Variants in COG5 observed in about 807,000 individuals in gnomAD.
COG5 encodes conserved oligomeric Golgi complex subunit 5.
COG5 carries 86 observed loss-of-function variants against 110.4 expected under a neutral mutation model. The ratio of observed to expected loss-of-function variants is 0.78; its 90% CI spans 0.65 to 0.93. COG5 has a LOEUF of 0.93. COG5 is among the 40% of genes least tolerant of loss of function. The pLI is 0.00. For missense variants in COG5, 1,077 were observed against 987.0 expected (o/e 1.09, Z -1.22); for synonymous variants, 360 against 334.6 (o/e 1.08, Z -0.83).
intron 11 of COG5, among the ~76,000 whole-genome samples, chr7:107,309,239 A>C (rs1305350144): frequency 1.3e-5 from 2 of 152,140 alleles, no homozygotes; most frequent in Non-Finnish European, 2.9e-5. Flanking sequence ...TTATTCATTT[A>C]CTTTATCCCA....
At chr7:107,381,411 G>A (rs1361455364) in intron 7 of COG5, among the ~76,000 whole-genome samples, 5 of 152,264 alleles carry the variant, frequency 3.3e-5, no homozygotes, top group Middle Eastern at 6.8e-3. Context: ...GCTAACATAT[G>A]TTCCAAATTG....
chr7:107,225,884 A>G (rs1800297139), intron 19 of COG5, among the ~76,000 whole-genome samples: 1 of 152,170 alleles, frequency 6.6e-6, no homozygotes, highest in Non-Finnish European at 1.5e-5. Context: ...CTCTACTAAA[A>G]ATACAAAAAT....
chr7:107,371,686 G>C (rs1399099913), intron 8 of COG5, among the ~76,000 whole-genome samples: 1 of 152,108 alleles, frequency 6.6e-6, no homozygotes, highest in Non-Finnish European at 1.5e-5. Flanking sequence ...AAGAAATTAA[G>C]ATATATTTAT....
At chr7:107,436,466 A>G (rs1221388072) in intron 6 of COG5, among the ~76,000 whole-genome samples, 1 of 152,178 alleles carries the variant, frequency 6.6e-6, no homozygotes, top group East Asian at 1.9e-4. Flanking sequence ...ATGGGCAGTT[A>G]GTATTTAATG....
intron 6 of COG5, among the ~76,000 whole-genome samples, chr7:107,485,155 G>T (rs1797584010): frequency 6.6e-6 from 1 of 152,176 alleles, no homozygotes. Context: ...ACAAAAACTT[G>T]AATAGCCACC....
chr7:107,405,215 A>G (rs763043146), intron 7 of COG5, among the ~76,000 whole-genome samples: 33 of 152,172 alleles, frequency 2.2e-4, no homozygotes, highest in Non-Finnish European at 4.1e-4. Flanking sequence ...CAGAAAATGG[A>G]TAATTATATC....
chr7:107,452,510 C>A (rs1304607672), intron 6 of COG5, among the ~76,000 whole-genome samples: 1 of 152,078 alleles, frequency 6.6e-6, no homozygotes, highest in Non-Finnish European at 1.5e-5. Context: ...ATGCTGTTCT[C>A]TTGATAGTGA....
Position 107,557,973 on chromosome 7 carries a change from T to C in COG5, c.234+3A>G. ...CCATAGGGACCCAGAAGATCAGAATTACCTGTAAGTGTAGTTCTCTGTCCA... is the reference window on the plus strand; with the variant it reads ...CCATAGGGACCCAGAAGATCAGAATCACCTGTAAGTGTAGTTCTCTGTCCA... On this transcript the variant is annotated splice_donor_region_variant and intron_variant, in intron 2 of 21. Coordinates refer to ENST00000297135, the MANE Select transcript of COG5 (RefSeq NM_006348.5). 6.2e-7 allele frequency: 1 copy of C among 1,614,000 alleles called. No homozygotes were observed. The highest frequency in any genetic ancestry group is 1.1e-5 in the South Asian group (1 of 91,080).
chr7:107,522,117 TCAGGGGG>T (rs533066303), intron 6 of COG5, among the ~76,000 whole-genome samples: 41 of 151,882 alleles, frequency 2.7e-4, no homozygotes, highest in Non-Finnish European at 4.4e-4. Context: ...CCAGGGACTG[TCAGGGGG>T]CAGGGGGCAG....
chr7:107,254,801 T>C (rs1375224354), intron 16 of COG5, among the ~76,000 whole-genome samples: 2 of 152,194 alleles, frequency 1.3e-5, no homozygotes, highest in Non-Finnish European at 2.9e-5. Flanking sequence ...GTGATTTTTA[T>C]CATCAAAGTG....
At position 107,236,746 on chromosome 7, in the gene COG5, T is replaced by C. The variant is rs891873321; in HGVS notation, c.1854-59A>G. The C allele has an allele frequency of 1.2e-5, 13 of 1,082,562 alleles. No individual in the cohort carries two copies. In the African/African-American group the frequency reaches 2.0e-4, roughly 17 times the overall value. 67.1% of individuals were successfully genotyped at this position (1,082,562 alleles called of 1,614,324 possible). A position where few individuals can be genotyped will look rare whatever the true frequency, so the allele number is the denominator to read the frequency against. The stretch of plus-strand genomic sequence containing the variant: ...CTGCACTAAATCACACTCTTTGATT[T>C]TGTACCCCTCTCCCCACCAATGCTG... On this transcript the variant is annotated intron_variant, in intron 17 of 21. Coordinates refer to ENST00000297135, the MANE Select transcript of COG5 (RefSeq NM_006348.5).
intron 2 of COG5, among the ~76,000 whole-genome samples, chr7:107,556,063 A>G (rs1190323416): frequency 6.6e-6 from 1 of 152,028 alleles, no homozygotes; most frequent in East Asian, 1.9e-4. Flanking sequence ...TTCAGCTAGT[A>G]ATAAAGGTCC....
chr7:107,507,245 T>C lies in COG5; in HGVS notation c.538+19992A>G, dbSNP rs111407740. Among the ~76,000 whole-genome samples, 510 of 152,246 alleles carry C rather than the reference T, an allele frequency of 3.3e-3. 4 individuals carry two copies. Among genetic ancestry groups the C allele is most frequent in the African/African-American group, 0.012 (481 of 41,558 alleles). ...AAGCTCATGGTTTATTTTCAACCTT[T>C]CCTATCAATGAACAATTTTAATAGC... On this transcript the variant is annotated intron_variant, in intron 6 of 21. Transcript: ENST00000297135.
At chr7:107,441,869 A>G (rs1460130825) in intron 6 of COG5, among the ~76,000 whole-genome samples, 1 of 152,242 alleles carries the variant, frequency 6.6e-6, no homozygotes, top group Non-Finnish European at 1.5e-5. Context: ...TTAATAAGTC[A>G]CATTTTAAAA....
intron 8 of COG5, among the ~76,000 whole-genome samples, chr7:107,365,444 AC>A (rs1813513469): frequency 6.6e-6 from 1 of 152,014 alleles, no homozygotes; most frequent in Admixed American, 6.6e-5. Flanking sequence ...TGAAGAAGGA[AC>A]CAGAGAGATG....
chr7:107,413,938 C>T (rs1271293469), intron 6 of COG5, among the ~76,000 whole-genome samples: 1 of 152,136 alleles, frequency 6.6e-6, no homozygotes, highest in African/African-American at 2.4e-5. Flanking sequence ...ATTCACTTGG[C>T]TAGTAACCGG....
At chr7:107,372,969 T>C (rs1191307627) in intron 7 of COG5, among the ~76,000 whole-genome samples, 1 of 152,170 alleles carries the variant, frequency 6.6e-6, no homozygotes, top group Admixed American at 6.5e-5. Flanking sequence ...TTAAATACTA[T>C]GTATATTATT....
chr7:107,290,514 C>T (rs1806073655), intron 12 of COG5, among the ~76,000 whole-genome samples: 1 of 152,168 alleles, frequency 6.6e-6, no homozygotes, highest in African/African-American at 2.4e-5. Flanking sequence ...TTTATAATTT[C>T]ATAATTACCT....
At chr7:107,334,171 C>T (rs1222907004) in intron 10 of COG5, among the ~76,000 whole-genome samples, 5 of 151,900 alleles carry the variant, frequency 3.3e-5, no homozygotes, top group African/African-American at 7.3e-5. Flanking sequence ...TACAGAGAAA[C>T]GGATTAAGAA....
Sources: allele counts gnomAD v4.1 joint callset (sites outside exome capture counted in the v4.1 genomes callset), GRCh38; gene constraint gnomAD v4.1.1; transcripts MANE v1.5; gene names NCBI Gene and HGNC (gene_info 2026-07-23, HGNC 2026-07-21).